DCP1A: variants seen among roughly 807,000 people sequenced by gnomAD.
The protein encoded by DCP1A is decapping mRNA 1A.
A neutral mutation model predicts 58.0 loss-of-function variants in DCP1A; 20 were observed. The ratio of observed to expected loss-of-function variants is 0.34; its 90% CI spans 0.24 to 0.50. The LOEUF is 0.50. DCP1A is among the 20% of genes least tolerant of loss of function. DCP1A has a pLI of 0.98. For synonymous variants in DCP1A, 285 were observed against 275.1 expected (o/e 1.04, Z -0.36); for missense variants, 613 against 712.2 (o/e 0.86, Z 1.59).
chr3:53,287,380 G>C lies in DCP1A; in HGVS notation c.*200C>G. 1 of 178,560 alleles carries C rather than the reference G, an allele frequency of 5.6e-6. No homozygotes were observed. The highest frequency in any genetic ancestry group is 1.0e-5 in the Non-Finnish European group (1 of 96,810). The allele number at this position is 178,560 out of a possible 1,614,324, so 11.1% of individuals were successfully genotyped here. On this transcript the variant is annotated 3_prime_UTR_variant, in exon 10 of 10. Coordinates refer to ENST00000610213, the MANE Select transcript of DCP1A (RefSeq NM_018403.7). ...TTTTTTTTTTTTTTTGTCAAAACAA[G>C]GATCTGCTGGTGATGCTTCACAGTG...
In DCP1A at chr3:53,284,534, T is replaced by C. The variant is rs1170339391; in HGVS notation, c.*3046A>G. The C allele has an allele frequency of 8.7e-6, 1 of 115,584 alleles. No homozygotes were observed. Among genetic ancestry groups the C allele is most frequent in the East Asian group, 2.6e-4 (1 of 3,916 alleles). The allele number at this position is 115,584 out of a possible 1,614,324, so 7.2% of individuals were successfully genotyped here. On this transcript the variant is annotated 3_prime_UTR_variant, in exon 10 of 10. Coordinates refer to ENST00000610213, the MANE Select transcript of DCP1A (RefSeq NM_018403.7). ...AGAGGGGCCCAGCGTGACTTTTTTT[T>C]TTTTTTTTTTTTTTTTTTTTTTGAG...
intron 6 of DCP1A, among the ~76,000 whole-genome samples, chr3:53,296,837 A>G (rs1413369461): frequency 1.3e-5 from 2 of 152,240 alleles, no homozygotes; most frequent in African/African-American, 4.8e-5. Context: ...TACTGCTGCT[A>G]TAAAGACTGG....
intron 3 of DCP1A, among the ~76,000 whole-genome samples, chr3:53,336,954 T>C (rs2106888417): frequency 6.6e-6 from 1 of 152,194 alleles, no homozygotes; most frequent in African/African-American, 2.4e-5. Context: ...CACTGCAACC[T>C]TCACTGCCTG....
At chr3:53,299,255 T>C (rs1707234332) in intron 6 of DCP1A, among the ~76,000 whole-genome samples, 1 of 152,244 alleles carries the variant, frequency 6.6e-6, no homozygotes, top group African/African-American at 2.4e-5. Flanking sequence ...TGCCCTCCTC[T>C]AGTAGCTGGG....
intron 6 of DCP1A, among the ~76,000 whole-genome samples, chr3:53,303,728 T>TG (rs1168918505): frequency 3.3e-5 from 5 of 152,034 alleles, no homozygotes; most frequent in African/African-American, 1.2e-4. Flanking sequence ...CTGGCACATT[T>TG]GGGGAAAGAC....
At position 53,286,051 on chromosome 3, in the gene DCP1A, A is replaced by G. The variant is rs1706622230; in HGVS notation, c.*1529T>C. Reference sequence around the variant, plus strand: ...CCAGGAAGCATGTTTAGATCAACAAAAGCCAATCATTCTTTATGCTAAAAA... The same window carrying G: ...CCAGGAAGCATGTTTAGATCAACAAGAGCCAATCATTCTTTATGCTAAAAA... On this transcript the variant is annotated 3_prime_UTR_variant, in exon 10 of 10. Transcript: ENST00000610213. 1 of 152,246 alleles carries G rather than the reference A, an allele frequency of 6.6e-6. No individual in the cohort carries two copies. The highest frequency in any genetic ancestry group is 1.5e-5 in the Non-Finnish European group (1 of 68,046). The allele number at this position is 152,246 out of a possible 1,614,324, so 9.4% of individuals were successfully genotyped here.
intron 4 of DCP1A, among the ~76,000 whole-genome samples, chr3:53,316,276 G>A (rs1707810056): frequency 6.6e-6 from 1 of 152,156 alleles, no homozygotes; most frequent in Non-Finnish European, 1.5e-5. Context: ...GTTTATGCAG[G>A]CAGATTTAGA....
intron 4 of DCP1A, among the ~76,000 whole-genome samples, chr3:53,316,965 G>A (rs1333109933): frequency 6.6e-6 from 1 of 152,014 alleles, no homozygotes; most frequent in Non-Finnish European, 1.5e-5. Flanking sequence ...TTGCATTAGG[G>A]GTAACACTTG....
intron 8 of DCP1A, 81 bp from the exon 9 acceptor site, chr3:53,288,364 G>T: frequency 9.3e-7 from 1 of 1,073,820 alleles, no homozygotes; most frequent in Non-Finnish European, 1.4e-6. Flanking sequence ...GTGGAAACAG[G>T]CATAAGCAGC....
At chr3:53,338,763 A>T (rs2089157470) in intron 3 of DCP1A, among the ~76,000 whole-genome samples, 1 of 150,806 alleles carries the variant, frequency 6.6e-6, no homozygotes, top group Admixed American at 6.6e-5. Context: ...CGGGAGGCTG[A>T]GGCAGGAGAA....
At chr3:53,341,056 AAC>A (rs1204325347) in intron 3 of DCP1A, among the ~76,000 whole-genome samples, 1 of 152,178 alleles carries the variant, frequency 6.6e-6, no homozygotes, top group Non-Finnish European at 1.5e-5. Context: ...CAATTAAATA[AAC>A]AGATAGAAAA....
chr3:53,309,790 A>C (rs1553688461), intron 5 of DCP1A, among the ~76,000 whole-genome samples: 4 of 152,226 alleles, frequency 2.6e-5, no homozygotes, highest in African/African-American at 4.8e-5. Flanking sequence ...CATTATTACA[A>C]GTGCTCATTC....
At chr3:53,316,720 C>T (rs1176729434) in intron 4 of DCP1A, among the ~76,000 whole-genome samples, 1 of 150,572 alleles carries the variant, frequency 6.6e-6, no homozygotes, top group Admixed American at 6.7e-5. Context: ...GCTGGGACTA[C>T]AGGCATGAGC....
chr3:53,333,175 TCTGTTGCCCAGG>T (rs2089047130), intron 3 of DCP1A: 1 of 148,390 alleles, frequency 6.7e-6, no homozygotes, highest in Non-Finnish European at 1.5e-5. Context: ...GGAGTCTCGC[TCTGTTGCCCAGG>T]CTGGAGTGCA....
rs140398760 is a variant in DCP1A at position 53,335,110 on chromosome 3, C to T, written c.304+7034G>A. Among the ~76,000 whole-genome samples, 1,034 of 150,058 alleles carry T rather than the reference C, an allele frequency of 6.9e-3. 12 individuals are homozygous for T. Among genetic ancestry groups the T allele is most frequent in the African/African-American group, 0.023 (949 of 40,946 alleles). On this transcript the variant is annotated intron_variant, in intron 3 of 9. Transcript: ENST00000610213. ...GGGTGTGTGTGTGTGTGTGTGCACG[C>T]GCATGTGTATATATATATATTTTTT... is the stretch of plus-strand genomic sequence containing the variant.
chr3:53,319,278 G>GT (rs1175364643), intron 4 of DCP1A, 129 bp downstream of exon 4: 1 of 553,890 alleles, frequency 1.8e-6, no homozygotes, highest in Non-Finnish European at 3.2e-6. Flanking sequence ...CCTTTTCCAA[G>GT]TTTTTGGCAG....
At chr3:53,300,459 T>C (rs1368237620) in intron 6 of DCP1A, among the ~76,000 whole-genome samples, 2 of 151,718 alleles carry the variant, frequency 1.3e-5, no homozygotes, top group Non-Finnish European at 2.9e-5. Flanking sequence ...TGCCTCAGCC[T>C]CTCAAGTAGC....
intron 3 of DCP1A, among the ~76,000 whole-genome samples, chr3:53,339,083 C>G (rs1481923564): frequency 6.6e-6 from 1 of 152,084 alleles, no homozygotes; most frequent in Non-Finnish European, 1.5e-5. Flanking sequence ...GTATAATTAC[C>G]TGTATGCATA....
At chr3:53,346,375 C>T (rs1325311374) in intron 1 of DCP1A, among the ~76,000 whole-genome samples, 1 of 152,166 alleles carries the variant, frequency 6.6e-6, no homozygotes, top group Non-Finnish European at 1.5e-5. Context: ...ATCTATGCAA[C>T]TGTATTATAG....
Sources: gnomAD v4.1 joint callset for allele counts (sites outside exome capture counted in the v4.1 genomes callset) on GRCh38, gnomAD v4.1.1 for gene constraint, MANE v1.5 for transcripts, NCBI Gene and HGNC (gene_info 2026-07-23, HGNC 2026-07-21) for gene names.